GSE1: variants seen among roughly 807,000 people sequenced by gnomAD.
GSE1 encodes Gse1 coiled-coil protein, also known as genetic suppressor element 1.
Under a neutral mutation model 112.6 loss-of-function variants are expected in GSE1, and 32 were observed. The ratio of observed to expected loss-of-function variants is 0.28; its 90% CI spans 0.21 to 0.38. The LOEUF (loss-of-function observed/expected upper bound fraction) is 0.38. Among genes scored for constraint, GSE1 ranks in the 10% least tolerant of loss-of-function variants. The pLI is 1.00. For synonymous variants in GSE1, 1,115 were observed against 735.6 expected (o/e 1.52, Z -8.35); for missense variants, 2,348 against 1,699.2 (o/e 1.38, Z -6.71).
At chr16:85,313,698 G>A (rs2045913560) in intron 1 of GSE1, among the ~76,000 whole-genome samples, 1 of 152,208 alleles carries the variant, frequency 6.6e-6, no homozygotes, top group African/African-American at 2.4e-5. Context: ...CAGGCTGTGG[G>A]GAAGGAAGCC....
rs1455583342 is a variant in GSE1 at position 85,673,130 on chromosome 16, G to A, written c.*591G>A. On this transcript the variant is annotated 3_prime_UTR_variant, in exon 16 of 16. Transcript: ENST00000253458. Reference sequence around the variant, plus strand: ...CAAAGCAACCCAAAGGCTTTTCCCTGGAAAAGCTCTTTCTTACCTAAAGAT... The same window carrying A: ...CAAAGCAACCCAAAGGCTTTTCCCTAGAAAAGCTCTTTCTTACCTAAAGAT... The A allele has an allele frequency of 2.0e-5, 3 of 152,390 alleles. No individual in the cohort carries two copies. The highest frequency in any genetic ancestry group is 6.5e-5 in the Admixed American group (1 of 15,302). The allele number at this position is 152,390 out of a possible 1,614,324, so 9.4% of individuals were successfully genotyped here.
chr16:85,388,231 G>A (rs1195264556), intron 2 of GSE1, among the ~76,000 whole-genome samples: 1 of 140,024 alleles, frequency 7.1e-6, no homozygotes, highest in Non-Finnish European at 1.6e-5. Context: ...TACATACATG[G>A]GTGGATGGAT....
chr16:85,259,799 G>C (rs546866713), intron 1 of GSE1, among the ~76,000 whole-genome samples: 12 of 152,218 alleles, frequency 7.9e-5, no homozygotes, highest in Non-Finnish European at 1.5e-4. Flanking sequence ...ACATCCTGCA[G>C]TGATGGGCGC....
chr16:85,265,688 A>C (rs941366475), intron 1 of GSE1, among the ~76,000 whole-genome samples: 1 of 152,092 alleles, frequency 6.6e-6, no homozygotes, highest in African/African-American at 2.4e-5. Context: ...TGTTTGGGGC[A>C]GGTTCTGGTT....
intron 2 of GSE1, among the ~76,000 whole-genome samples, chr16:85,404,254 TACACTCA>T (rs2048199580): frequency 1.2e-5 from 1 of 82,274 alleles, no homozygotes; most frequent in African/African-American, 5.6e-5. Flanking sequence ...TTCTCACTGT[TACACTCA>T]GGGCTCCCCC....
rs11331736 is a variant in GSE1 at position 85,575,902 on chromosome 16, GTT to G, written c.37+19554_37+19555del. 3.8e-3 allele frequency among the ~76,000 whole-genome samples: 505 copies of G among 132,610 alleles called. 6 individuals carry two copies. Among genetic ancestry groups the G allele is most frequent in the African/African-American group, 0.013 (480 of 37,134 alleles). The allele number at this position is 132,610 out of a possible 152,430, so 87.0% of individuals were successfully genotyped here. A position where few individuals can be genotyped will look rare whatever the true frequency, so the allele number is the denominator to read the frequency against. ...GCATTTGGTATGCTGCCTCGTTTCT[GTT>G]TTTTTTTTTTTTTTCCCCTTCCTGT... On this transcript the variant is annotated intron_variant, in intron 1 of 2. Transcript: ENST00000635906.
intron 1 of GSE1, among the ~76,000 whole-genome samples, chr16:85,349,739 G>A (rs1454384637): frequency 1.3e-5 from 2 of 152,140 alleles, no homozygotes; most frequent in African/African-American, 2.4e-5. Flanking sequence ...GGATGCTGGC[G>A]TCTCTTCCCC....
At chr16:85,361,472 C>G (rs562702011) in intron 2 of GSE1, among the ~76,000 whole-genome samples, 1 of 152,210 alleles carries the variant, frequency 6.6e-6, no homozygotes. Flanking sequence ...TTCCAGGCCA[C>G]GGCCTCAGGG....
intron 1 of GSE1, among the ~76,000 whole-genome samples, chr16:85,336,515 CAGCCTGGTGGGCTGTG>C (rs1455061960): frequency 6.6e-6 from 1 of 152,174 alleles, no homozygotes; most frequent in African/African-American, 2.4e-5. Flanking sequence ...TGGCTTTCTG[CAGCCTGGTGGGCTGTG>C]AGCCACTGAA....
At chr16:85,249,645 G>T (rs554450642) in intron 1 of GSE1, among the ~76,000 whole-genome samples, 172 of 152,294 alleles carry the variant, frequency 1.1e-3, no homozygotes, top group African/African-American at 3.5e-3. Context: ...GGGGGCAGGC[G>T]TCCAGCTGCT....
chr16:85,601,605 C>G (rs1236916307), intron 1 of GSE1, among the ~76,000 whole-genome samples: 1 of 152,192 alleles, frequency 6.6e-6, no homozygotes, highest in Non-Finnish European at 1.5e-5. Flanking sequence ...CCACAGGCGG[C>G]TGACTAAAAA....
chr16:85,602,982 C>T (rs757478726), intron 1 of GSE1, among the ~76,000 whole-genome samples: 84 of 152,246 alleles, frequency 5.5e-4, no homozygotes, highest in Non-Finnish European at 1.1e-3. Context: ...GGGCTGCCAT[C>T]CCATCCCCTC....
intron 1 of GSE1, among the ~76,000 whole-genome samples, chr16:85,247,793 G>A (rs982511021): frequency 6.6e-6 from 1 of 152,218 alleles, no homozygotes; most frequent in African/African-American, 2.4e-5. Context: ...GCACATGGGG[G>A]ACATGCCAGG....
At chr16:85,181,132 G>A (rs1470745289) in intron 1 of GSE1, among the ~76,000 whole-genome samples, 3 of 152,214 alleles carry the variant, frequency 2.0e-5, no homozygotes, top group Non-Finnish European at 4.4e-5. Context: ...CACAGGGTCC[G>A]CTGGCCCCGG....
intron 9 of GSE1, 148 bp from the exon 10 acceptor site, chr16:85,662,833 C>G (rs1030486418): frequency 3.3e-6 from 2 of 614,632 alleles, no homozygotes; most frequent in Admixed American, 2.7e-5. Flanking sequence ...TTGGTTTCCA[C>G]CTCGGTTGAA....
rs1444189534 is a variant in GSE1, at chr16:85,354,374, TA to T, written c.2284-3087del. On this transcript the variant is annotated intron_variant, in intron 1 of 2. Transcript: ENST00000637419. ...GCCTTGTTGGAAGGATTAACTATGC[TA>T]ATCAGTACAAAGCCCTAGATCAGTG... Among the ~76,000 whole-genome samples the T allele has an allele frequency of 3.3e-5, 5 of 152,390 alleles. No individual in the cohort carries two copies. The East Asian group carries it at 9.6e-4, about 29-fold the overall frequency.
At chr16:85,455,690 C>G (rs1394800069) in intron 2 of GSE1, among the ~76,000 whole-genome samples, 2 of 152,236 alleles carry the variant, frequency 1.3e-5, no homozygotes, top group African/African-American at 4.8e-5. Flanking sequence ...AGCTGCCTCC[C>G]CCGCACGAGA....
chr16:85,566,741 G>A (rs1462181240), intron 1 of GSE1, among the ~76,000 whole-genome samples: 1 of 152,206 alleles, frequency 6.6e-6, no homozygotes, highest in African/African-American at 2.4e-5. Context: ...CCTCCTCGCT[G>A]GTCCTAACTT....
intron 1 of GSE1, among the ~76,000 whole-genome samples, chr16:85,263,427 G>T (rs1907919193): frequency 6.6e-6 from 1 of 152,106 alleles, no homozygotes; most frequent in Non-Finnish European, 1.5e-5. Context: ...GTTTCCAGTT[G>T]GTATTTGCGC....
Sources: gnomAD v4.1 joint callset for allele counts (sites outside exome capture counted in the v4.1 genomes callset) on GRCh38, gnomAD v4.1.1 for gene constraint, MANE v1.5 for transcripts, NCBI Gene and HGNC (gene_info 2026-07-23, HGNC 2026-07-21) for gene names.